Variants in GPIHBP1 observed in about 807,000 individuals in gnomAD.
GPIHBP1 encodes the protein glycosylphosphatidylinositol-anchored high density lipoprotein-binding protein 1.
A neutral mutation model predicts 13.0 loss-of-function variants in GPIHBP1; 11 were observed. That is an observed-to-expected ratio of 0.84 (90% confidence interval 0.53 to 1.40). The LOEUF is 1.40. Ranked by LOEUF, GPIHBP1 falls within the 40% of genes most tolerant of loss-of-function variation. The probability of loss-of-function intolerance (pLI) is 0.00; values close to 1 mark genes in which losing one functional copy is unlikely to be tolerated. For missense variants in GPIHBP1, 231 were observed against 241.1 expected, an observed-to-expected ratio of 0.96 and a Z score of 0.28; for synonymous variants, 106 against 102.2, an observed-to-expected ratio of 1.04 and a Z score of -0.22.
At chr8:143,213,405 C>A in intron 1 of GPIHBP1, 86 bp downstream of exon 1, 3 of 1,160,664 alleles carry the variant, frequency 2.6e-6, no homozygotes, top group African/African-American at 1.5e-5. Flanking sequence ...CCAGCAGGGG[C>A]TTAGGAAGAA....
intron 1 of GPIHBP1, 31 bp from the exon 2 acceptor site, chr8:143,213,791 C>T: frequency 6.3e-7 from 1 of 1,575,070 alleles, no homozygotes; most frequent in South Asian, 1.2e-5. Context: ...ACCCGGGTAG[C>T]TGAGGCTTAC....
chr8:143,213,422 G>A (rs1816250486), intron 1 of GPIHBP1, 103 bp downstream of exon 1: 1 of 1,008,556 alleles, frequency 9.9e-7, no homozygotes, highest in Non-Finnish European at 1.5e-6. Context: ...AGAAGGAGGG[G>A]ATGAGGCTGG....
At position 143,215,071 on chromosome 8, in the gene GPIHBP1, G is replaced by A. The variant is rs144587519; in HGVS notation, c.240G>A (p.Thr80=). The A allele has an allele frequency of 1.1e-5, 17 of 1,610,914 alleles. No individual in the cohort carries two copies. The highest frequency in any genetic ancestry group is 1.6e-4 in the Middle Eastern group (1 of 6,076). ...SLPRDERCNL[T]QNCSHGQTCT... ...CCAGGGACGAGCGCTGCAACCTGAC[G>A]CAGAACTGCTCACATGGCCAGACCT... Residue 80 remains threonine, a synonymous_variant, in exon 3 of 4, where the codon ACG becomes ACA. Coordinates refer to ENST00000622500, the MANE Select transcript of GPIHBP1 (RefSeq NM_178172.6).
Position 143,214,891 on chromosome 8 carries a change from G to A in GPIHBP1, c.182-122G>A, listed in dbSNP as rs1816277137. 1 of 693,230 alleles carries A rather than the reference G, an allele frequency of 1.4e-6. No individual in the cohort carries two copies. Among genetic ancestry groups the A allele is most frequent in the Non-Finnish European group, 2.5e-6 (1 of 395,508 alleles). 42.9% of individuals were successfully genotyped at this position (693,230 alleles called of 1,614,324 possible). A position where few individuals can be genotyped will look rare whatever the true frequency, so the allele number is the denominator to read the frequency against. On this transcript the variant is annotated intron_variant, in intron 2 of 3. Transcript: ENST00000622500. This position sits in a 1 kb window ranked among gnomAD's most constrained non-coding sequence, Gnocchi z 4.1. ...CAGGGGTCGCCCGCCCATCTGAGCA[G>A]TGGGTGCTGGAGGCTCACCAGGCTA...
intron 1 of GPIHBP1, 134 bp downstream of exon 1, chr8:143,213,453 A>G (rs1261324414): frequency 1.3e-6 from 1 of 788,950 alleles, no homozygotes; most frequent in African/African-American, 1.7e-5. Context: ...CCAGAGCAGC[A>G]TGGATGGAAG....
At position 143,214,388 on chromosome 8, in the gene GPIHBP1, A is replaced by G. The variant is rs1413210682; in HGVS notation, c.181+438A>G. On this transcript the variant is annotated intron_variant, in intron 2 of 3. Transcript: ENST00000622500. This position sits in a 1 kb window ranked among gnomAD's most constrained non-coding sequence, Gnocchi z 4.1. ...CTTAGAGCAGAGCAGAGTAGGGCTAAGAAGAGCCCACCCTCACTGCCCACC... is the reference window on the plus strand; with the variant it reads ...CTTAGAGCAGAGCAGAGTAGGGCTAGGAAGAGCCCACCCTCACTGCCCACC... Among the ~76,000 whole-genome samples, 1 of 152,056 alleles carries G rather than the reference A, an allele frequency of 6.6e-6. No individual in the cohort carries two copies. The highest frequency in any genetic ancestry group is 1.5e-5 in the Non-Finnish European group (1 of 67,986).
chr8:143,214,784 G>C lies in GPIHBP1; in HGVS notation c.182-229G>C, dbSNP rs1052295730. ...TGTCGCAGGACGTGAGTGATGATGG[G>C]AAGTTCGCCCTGCCTGACCCGCAAT... On this transcript the variant is annotated intron_variant, in intron 2 of 3. Transcript: ENST00000622500. This position sits in a 1 kb window ranked among gnomAD's most constrained non-coding sequence, Gnocchi z 4.1. Among the ~76,000 whole-genome samples the C allele has an allele frequency of 3.3e-5, 5 of 152,230 alleles. No homozygotes were observed. The highest frequency in any genetic ancestry group is 1.2e-4 in the African/African-American group (5 of 41,458).
In GPIHBP1 at chr8:143,215,299, C is replaced by A. The variant is rs1816287863; in HGVS notation, c.336C>A (p.Asp112Glu). ...CCACCCACTCCACGTGGTGCACAGA[C>A]AGCTGCCAGCCCATCACCAAGACGG... ...LLTTHSTWCT[D>E]SCQPITKTVE... is the part of the protein sequence containing the mutation. Residue 112 changes from aspartate to glutamate, a missense_variant, in exon 4 of 4, where the codon GAC (aspartate) becomes GAA (glutamate). Coordinates refer to ENST00000622500, the MANE Select transcript of GPIHBP1 (RefSeq NM_178172.6). The A allele has an allele frequency of 6.2e-7, 1 of 1,612,840 alleles. No homozygotes were observed. The highest frequency in any genetic ancestry group is 1.3e-5 in the African/African-American group (1 of 74,928).
rs1816265308 is a variant in GPIHBP1, at chr8:143,214,227, G to A, written c.181+277G>A. Among the ~76,000 whole-genome samples, 1 of 152,070 alleles carries A rather than the reference G, an allele frequency of 6.6e-6. No individual in the cohort carries two copies. Among genetic ancestry groups the A allele is most frequent in the African/African-American group, 2.4e-5 (1 of 41,386 alleles). Reference sequence around the variant, plus strand: ...CCAGGCAGAGAAGGGCTCAGTGGGGGCCTAGGGTGGAGACACAAGCACAGA... The same window carrying A: ...CCAGGCAGAGAAGGGCTCAGTGGGGACCTAGGGTGGAGACACAAGCACAGA... On this transcript the variant is annotated intron_variant, in intron 2 of 3. Coordinates refer to ENST00000622500, the MANE Select transcript of GPIHBP1 (RefSeq NM_178172.6). The surrounding 1 kb of genome is among the most constrained non-coding windows in gnomAD (Gnocchi z 4.1).
chr8:143,216,296 T>G lies in GPIHBP1; in HGVS notation c.*778T>G, dbSNP rs1046926457. The G allele has an allele frequency of 2.0e-5, 3 of 152,344 alleles. No homozygotes were observed. Among genetic ancestry groups the G allele is most frequent in the Admixed American group, 6.5e-5 (1 of 15,290 alleles). The allele number at this position is 152,344 out of a possible 1,614,324, so 9.4% of individuals were successfully genotyped here. ...GTGACCATCTAGGGTCAGTACCTGC[T>G]GGGCTTAGGACAGCGCCTGAGGCTG... On this transcript the variant is annotated 3_prime_UTR_variant, in exon 4 of 4. Coordinates refer to ENST00000622500, the MANE Select transcript of GPIHBP1 (RefSeq NM_178172.6).
Position 143,215,775 on chromosome 8 carries a change from A to G in GPIHBP1, c.*257A>G, listed in dbSNP as rs1274639069. On this transcript the variant is annotated 3_prime_UTR_variant, in exon 4 of 4. Transcript: ENST00000622500. ...GTCCAGACCTCGGCTGCCACGCCCC[A>G]GGACCTGCAGCCCTCATGGGGGCTG... 2.3e-5 allele frequency: 13 copies of G among 570,024 alleles called. No individual in the cohort carries two copies. Among genetic ancestry groups the G allele is most frequent in the South Asian group, 2.2e-4 (10 of 45,336 alleles). 35.3% of individuals were successfully genotyped at this position (570,024 alleles called of 1,614,324 possible). A position where few individuals can be genotyped will look rare whatever the true frequency, so the allele number is the denominator to read the frequency against.
In GPIHBP1 at chr8:143,214,656, C is replaced by T. The variant is rs1361285958; in HGVS notation, c.182-357C>T. ...CCTGCCCCACACACCCACGAGGTGT[C>T]CCCTGTGAGGCCCTCCTCTGCCAGG... is the stretch of plus-strand genomic sequence containing the variant. On this transcript the variant is annotated intron_variant, in intron 2 of 3. Coordinates refer to ENST00000622500, the MANE Select transcript of GPIHBP1 (RefSeq NM_178172.6). The surrounding 1 kb of genome is among the most constrained non-coding windows in gnomAD (Gnocchi z 4.1). Among the ~76,000 whole-genome samples, 1 of 152,144 alleles carries T rather than the reference C, an allele frequency of 6.6e-6. No homozygotes were observed.
chr8:143,216,682 C>G lies in GPIHBP1; in HGVS notation c.*1164C>G, dbSNP rs949416044. 6.6e-6 allele frequency: 1 copy of G among 152,210 alleles called. No individual in the cohort carries two copies. Among genetic ancestry groups the G allele is most frequent in the Non-Finnish European group, 1.5e-5 (1 of 68,060 alleles). The allele number at this position is 152,210 out of a possible 1,614,324, so 9.4% of individuals were successfully genotyped here. On this transcript the variant is annotated 3_prime_UTR_variant, in exon 4 of 4. Transcript: ENST00000622500. ...CCTTCACCAGTAGCTGGTGCCAGGA[C>G]AGAGCTCTGGGACAGCAGGCAGAGG...
At position 143,215,805 on chromosome 8, in the gene GPIHBP1, T is replaced by A; in HGVS notation, c.*287T>A. 1.9e-6 allele frequency: 1 copy of A among 522,254 alleles called. No homozygotes were observed. The highest frequency in any genetic ancestry group is 3.2e-5 in the East Asian group (1 of 31,680). The allele number at this position is 522,254 out of a possible 1,614,324, so 32.4% of individuals were successfully genotyped here. On this transcript the variant is annotated 3_prime_UTR_variant, in exon 4 of 4. Coordinates refer to ENST00000622500, the MANE Select transcript of GPIHBP1 (RefSeq NM_178172.6). Reference sequence around the variant, plus strand: ...CTGCAGCCCTCATGGGGGCTGGGGATCCCCATCAGCACAGCCAGGCAGAGA... The same window carrying A: ...CTGCAGCCCTCATGGGGGCTGGGGAACCCCATCAGCACAGCCAGGCAGAGA...
Position 143,215,357 on chromosome 8 carries a change from C to T in GPIHBP1, c.394C>T (p.Gln132Ter). The stretch of plus-strand genomic sequence containing the variant: ...GACCCAGGTGACCATGACCTGCTGC[C>T]AGTCCAGCCTGTGCAATGTCCCACC... The part of the protein sequence containing the change: ...EGTQVTMTCC[Q>*]SSLCNVPPWQ... Residue 132 changes from glutamine (Q) to a stop codon, truncating the protein, a stop_gained, in exon 4 of 4, where the codon CAG (glutamine) becomes TAG (stop). Coordinates refer to ENST00000622500, the MANE Select transcript of GPIHBP1 (RefSeq NM_178172.6). LOFTEE classifies it low-confidence loss of function (END_TRUNC). 3 of 1,612,918 alleles carry T rather than the reference C, an allele frequency of 1.9e-6. No individual in the cohort carries two copies. The South Asian group carries it at 3.3e-5, about 18-fold the overall frequency.
rs924657657 is a variant in GPIHBP1, at chr8:143,214,550, C to T, written c.182-463C>T. On this transcript the variant is annotated intron_variant, in intron 2 of 3. Transcript: ENST00000622500. The surrounding 1 kb of genome is among the most constrained non-coding windows in gnomAD (Gnocchi z 4.1). Reference sequence around the variant, plus strand: ...CGTGCCCCACCACACACAGCCCCTCCCTAGCCAGGGCCCCCAGCATGCCCC... The same window carrying T: ...CGTGCCCCACCACACACAGCCCCTCTCTAGCCAGGGCCCCCAGCATGCCCC... 1.4e-5 allele frequency among the ~76,000 whole-genome samples: 2 copies of T among 141,096 alleles called. No individual in the cohort carries two copies. Among genetic ancestry groups the T allele is most frequent in the Non-Finnish European group, 2.9e-5 (2 of 67,890 alleles). 92.6% of individuals were successfully genotyped at this position (141,096 alleles called of 152,430 possible).
chr8:143,215,635 G>A lies in GPIHBP1; in HGVS notation c.*117G>A. On this transcript the variant is annotated 3_prime_UTR_variant, in exon 4 of 4. Coordinates refer to ENST00000622500, the MANE Select transcript of GPIHBP1 (RefSeq NM_178172.6). ...GGAGAATGGATTTGGAGTGTCTTGG[G>A]CGATCCAGCCAGCGCAGGCCCCCCG... 3 of 942,022 alleles carry A rather than the reference G, an allele frequency of 3.2e-6. No individual in the cohort carries two copies. The highest frequency in any genetic ancestry group is 4.7e-6 in the Non-Finnish European group (3 of 640,414). The allele number at this position is 942,022 out of a possible 1,614,324, so 58.4% of individuals were successfully genotyped here.
rs1019659098 is a variant in GPIHBP1 at position 143,215,316 on chromosome 8, C to G, written c.353C>G (p.Thr118Ser). Residue 118 changes from threonine to serine, a missense_variant, in exon 4 of 4, where the codon ACC becomes AGC. Physicochemically the swap from Thr to Ser is moderately conservative, Grantham distance 58. Coordinates refer to ENST00000622500, the MANE Select transcript of GPIHBP1 (RefSeq NM_178172.6). Reference protein sequence around the residue: ...TWCTDSCQPITKTVEGTQVTM... With the variant: ...TWCTDSCQPISKTVEGTQVTM... ...TGCACAGACAGCTGCCAGCCCATCA[C>G]CAAGACGGTGGAGGGGACCCAGGTG... 6 of 1,612,810 alleles carry G rather than the reference C, an allele frequency of 3.7e-6. No individual in the cohort carries two copies. Among genetic ancestry groups the G allele is most frequent in the Middle Eastern group, 1.6e-4 (1 of 6,084 alleles).
chr8:143,215,335 C>G lies in GPIHBP1; in HGVS notation c.372C>G (p.Thr124=). 1 of 1,612,874 alleles carries G rather than the reference C, an allele frequency of 6.2e-7. No individual in the cohort carries two copies. The highest frequency in any genetic ancestry group is 1.1e-5 in the South Asian group (1 of 91,088). Residue 124 remains threonine (T), a synonymous_variant, in exon 4 of 4, where the codon ACC becomes ACG. Transcript: ENST00000622500. ...CQPITKTVEG[T]QVTMTCCQSS... ...CCATCACCAAGACGGTGGAGGGGACCCAGGTGACCATGACCTGCTGCCAGT... is the reference window on the plus strand; with the variant it reads ...CCATCACCAAGACGGTGGAGGGGACGCAGGTGACCATGACCTGCTGCCAGT...
Sources: allele counts gnomAD v4.1 joint callset (sites outside exome capture counted in the v4.1 genomes callset), GRCh38; gene constraint gnomAD v4.1.1; non-coding constraint Gnocchi (gnomAD v3.1); transcripts MANE v1.5; gene names NCBI Gene and HGNC (gene_info 2026-07-23, HGNC 2026-07-21).